The following SMG5 variants were observed in gnomAD, a reference collection of about 807,000 sequenced individuals.
SMG5 encodes the protein nonsense-mediated mRNA decay factor SMG5.
In SMG5, 53 loss-of-function variants were observed where a neutral mutation model predicts 122.9. That is an observed-to-expected ratio of 0.43 (90% confidence interval 0.35 to 0.54). The LOEUF is 0.54. SMG5 is among the 20% of genes least tolerant of loss of function. The pLI, the probability that SMG5 is intolerant of heterozygous loss-of-function variation, is 0.01. For synonymous variants in SMG5, 477 were observed against 490.2 expected (o/e 0.97, Z 0.35); for missense variants, 1,153 against 1,285.6 (o/e 0.90, Z 1.58).
At chr1:156,261,934 C>T (rs2093487) in intron 13 of SMG5, among the ~76,000 whole-genome samples, 4 of 148,776 alleles carry the variant, frequency 2.7e-5, no homozygotes, top group Non-Finnish European at 4.4e-5. Flanking sequence ...TGGTGGCATG[C>T]GCTTGTAGCC....
chr1:156,255,841 T>C (rs1306205517), intron 16 of SMG5, among the ~76,000 whole-genome samples: 1 of 152,192 alleles, frequency 6.6e-6, no homozygotes, highest in Non-Finnish European at 1.5e-5. Context: ...AGTTCAAGGC[T>C]GCAGTGAGCT....
intron 12 of SMG5, among the ~76,000 whole-genome samples, chr1:156,265,025 C>CAA (rs1251043369): frequency 4.0e-5 from 4 of 99,302 alleles, no homozygotes; most frequent in African/African-American, 1.3e-4. Flanking sequence ...GACTCTGTCT[C>CAA]AAAAAAAAAA....
intron 1 of SMG5, among the ~76,000 whole-genome samples, chr1:156,282,397 G>A (rs1221489288): frequency 6.6e-6 from 1 of 152,026 alleles, no homozygotes; most frequent in African/African-American, 2.4e-5. Context: ...ATTCCTCCAC[G>A]TGCTTCCCTC....
At chr1:156,257,725 C>T (rs1661645181) in intron 16 of SMG5, among the ~76,000 whole-genome samples, 1 of 152,012 alleles carries the variant, frequency 6.6e-6, no homozygotes, top group African/African-American at 2.4e-5. Context: ...GAGCTTTTGC[C>T]CCTTTCCAGC....
chr1:156,259,086 G>C lies in SMG5; in HGVS notation c.2361C>G (p.Asn787Lys). ...ARLQGSILQF[N>K]PEVGIFVSIA... Reference sequence around the variant, plus strand: ...TGCTGACGAAGATGCCAACCTCTGGGTTGAACTGCAGGATGCTGCCTTGCA... The same window carrying C: ...TGCTGACGAAGATGCCAACCTCTGGCTTGAACTGCAGGATGCTGCCTTGCA... The change falls in exon 16 of 22, where the codon AAC (asparagine) becomes AAG (lysine). Residue 787 changes from asparagine (N) to lysine (K), a missense_variant. Physicochemically the swap from Asn to Lys is moderately conservative, Grantham distance 94 (BLOSUM62 0). Around this residue, in one of 5 missense-constraint regions of SMG5, gnomAD observed 140 missense variants for 227.8 expected, o/e 0.61. Transcript: ENST00000361813. 6.2e-7 allele frequency: 1 copy of C among 1,612,532 alleles called. No individual in the cohort carries two copies. The highest frequency in any genetic ancestry group is 1.1e-5 in the South Asian group (1 of 90,920).
At chr1:156,267,071 G>A (rs541090549) in intron 10 of SMG5, among the ~76,000 whole-genome samples, 1 of 152,068 alleles carries the variant, frequency 6.6e-6, no homozygotes, top group South Asian at 2.1e-4. Context: ...TTCACATCCA[G>A]TCCTATCCCT....
chr1:156,282,545 C>T, intron 1 of SMG5, 62 bp downstream of exon 1: 2 of 1,530,022 alleles, frequency 1.3e-6, no homozygotes, highest in Non-Finnish European at 1.8e-6. Flanking sequence ...CCCGGGAGGC[C>T]CCGCCCCTCG....
intron 7 of SMG5, among the ~76,000 whole-genome samples, chr1:156,271,399 G>A (rs1662414310): frequency 6.6e-6 from 1 of 152,082 alleles, no homozygotes; most frequent in Non-Finnish European, 1.5e-5. Context: ...CACTGATTAG[G>A]TGACAAAGGT....
Position 156,250,975 on chromosome 1 carries a change from G to A in SMG5, c.2850C>T (p.Asp950=), listed in dbSNP as rs753059447. 14 of 1,614,042 alleles carry A rather than the reference G, an allele frequency of 8.7e-6. No individual in the cohort carries two copies. In the South Asian group the frequency reaches 1.2e-4, roughly 14 times the overall value. ...ADAWTLYKIL[D]SCKQLTLAQG... ...GGGCCAGAGTCAGCTGTTTGCAGCT[G>A]TCTAGGATCTTATAGAGAGTCCTGG... Residue 950 remains aspartate (D), a synonymous_variant, in exon 21 of 22, where the codon GAC becomes GAT. Coordinates refer to ENST00000361813, the MANE Select transcript of SMG5 (RefSeq NM_015327.3).
chr1:156,272,883 T>C (rs1456366673), intron 6 of SMG5, among the ~76,000 whole-genome samples: 1 of 152,166 alleles, frequency 6.6e-6, no homozygotes, highest in African/African-American at 2.4e-5. Context: ...TCTTCTTATA[T>C]CCATCAGCTT....
At chr1:156,261,004 T>C (rs568890843) in intron 14 of SMG5, among the ~76,000 whole-genome samples, 60 of 152,174 alleles carry the variant, frequency 3.9e-4, no homozygotes, top group African/African-American at 1.4e-3. Context: ...ACAAACAAAC[T>C]TGGTAGGTCA....
intron 3 of SMG5, 50 bp from the exon 4 acceptor site, chr1:156,277,291 GC>G: frequency 6.3e-7 from 1 of 1,576,960 alleles, no homozygotes; most frequent in Admixed American, 1.8e-5. Context: ...ACTCAGAGTC[GC>G]ACTCACCCTC....
At position 156,268,200 on chromosome 1, in the gene SMG5, C is replaced by A; in HGVS notation, c.840-17G>T. 6.2e-7 allele frequency: 1 copy of A among 1,613,992 alleles called. No homozygotes were observed. The highest frequency in any genetic ancestry group is 8.5e-7 in the Non-Finnish European group (1 of 1,179,952). On this transcript the variant is annotated splice_polypyrimidine_tract_variant and intron_variant, in intron 8 of 21. Coordinates refer to ENST00000361813, the MANE Select transcript of SMG5 (RefSeq NM_015327.3). Reference sequence around the variant, plus strand: ...TCTTTACATCTGAAATGAGAAGAGCCCAAAGTAAATGCTGAATGGTCCCGC... The same window carrying A: ...TCTTTACATCTGAAATGAGAAGAGCACAAAGTAAATGCTGAATGGTCCCGC...
chr1:156,285,059 C>T (rs1323934223), upstream of SMG5: 3 of 686,978 alleles, frequency 4.4e-6, no homozygotes, highest in Non-Finnish European at 6.6e-6. Flanking sequence ...CCACGTTCTC[C>T]CTAAGGCTCC....
At chr1:156,277,294 C>T in intron 3 of SMG5, 53 bp from the exon 4 acceptor site, 5 of 1,567,970 alleles carry the variant, frequency 3.2e-6, no homozygotes, top group South Asian at 2.4e-5. Flanking sequence ...CAGAGTCGCA[C>T]TCACCCTCCC....
Position 156,273,407 on chromosome 1 carries a change from T to G in SMG5, c.588A>C (p.Leu196=), listed in dbSNP as rs775079905. ...NELAGVDTEL[L]AERFYYQALS... ...GGGCTTGGTAGTAAAATCTCTCGGC[T>G]AGCAGCTCGGTATCTACGCCAGCTA... is the stretch of plus-strand genomic sequence containing the variant. The change falls in exon 6 of 22, where the codon CTA becomes CTC. Residue 196 remains leucine, a synonymous_variant. Transcript: ENST00000361813. 6.2e-7 allele frequency: 1 copy of G among 1,614,114 alleles called. No homozygotes were observed. The highest frequency in any genetic ancestry group is 1.3e-5 in the African/African-American group (1 of 75,036).
chr1:156,265,939 T>C lies in SMG5; in HGVS notation c.1697A>G (p.Asn566Ser), dbSNP rs751930695. 27 of 1,614,072 alleles carry C rather than the reference T, an allele frequency of 1.7e-5. No homozygotes were observed. The highest frequency in any genetic ancestry group is 4.5e-5 in the East Asian group (2 of 44,896). ...LGPSEASIAS[N>S]LQAMSTQMFQ... ...CATCTGGGTGGACATGGCTTGTAGATTGCTGGCAATGCTAGCCTCACTGGG... is the reference window on the plus strand; with the variant it reads ...CATCTGGGTGGACATGGCTTGTAGACTGCTGGCAATGCTAGCCTCACTGGG... Residue 566 changes from asparagine to serine, a missense_variant, in exon 12 of 22, where the codon AAT becomes AGT. Transcript: ENST00000361813.
chr1:156,277,034 G>C, intron 4 of SMG5, 51 bp downstream of exon 4: 4 of 1,585,792 alleles, frequency 2.5e-6, no homozygotes, highest in Non-Finnish European at 3.4e-6. Context: ...GATAAGGCCA[G>C]AGGTAGAAGC....
rs1373716931 is a variant in SMG5, at chr1:156,260,586, A to G, written c.2148T>C (p.Gly716=). The change falls in exon 15 of 22, where the codon GGT becomes GGC. Residue 716 remains glycine, a synonymous_variant. Coordinates refer to ENST00000361813, the MANE Select transcript of SMG5 (RefSeq NM_015327.3). ...LCPEVQDLLE[G]CELPDLPSSL... Reference sequence around the variant, plus strand: ...TAGAGGGGAGGTCAGGCAGTTCACAACCTTCAAGAAGATCTTGGACCTCAG... The same window carrying G: ...TAGAGGGGAGGTCAGGCAGTTCACAGCCTTCAAGAAGATCTTGGACCTCAG... 3 of 1,523,686 alleles carry G rather than the reference A, an allele frequency of 2.0e-6. No homozygotes were observed. The highest frequency in any genetic ancestry group is 1.8e-6 in the Non-Finnish European group (2 of 1,141,692). 94.4% of individuals were successfully genotyped at this position (1,523,686 alleles called of 1,614,324 possible). A position where few individuals can be genotyped will look rare whatever the true frequency, so the allele number is the denominator to read the frequency against.
Sources: gnomAD v4.1 joint callset for allele counts (sites outside exome capture counted in the v4.1 genomes callset) on GRCh38, gnomAD v4.1.1 for gene constraint, gnomAD v4.1.1 regional missense constraint, MANE v1.5 for transcripts, NCBI Gene and HGNC (gene_info 2026-07-23, HGNC 2026-07-21) for gene names.